ELAPOR1: variants seen among roughly 807,000 people sequenced by gnomAD.
The protein encoded by ELAPOR1 is endosome-lysosome associated apoptosis and autophagy regulator 1.
In ELAPOR1, 77 loss-of-function variants were observed where a neutral mutation model predicts 119.7. The ratio of observed to expected loss-of-function variants is 0.64; its 90% confidence interval spans 0.54 to 0.78. The LOEUF is 0.78. Ranked by LOEUF, ELAPOR1 falls within the 30% of genes least tolerant of loss-of-function variation. ELAPOR1 has a pLI of 0.00. For synonymous variants in ELAPOR1, 481 were observed against 487.2 expected (o/e 0.99, Z 0.17); for missense variants, 1,115 against 1,270.4 (o/e 0.88, Z 1.86).
intron 1 of ELAPOR1, among the ~76,000 whole-genome samples, chr1:109,129,940 G>GC (rs1435295963): frequency 6.6e-6 from 1 of 152,110 alleles, no homozygotes; most frequent in African/African-American, 2.4e-5. Flanking sequence ...AAACCAAAGT[G>GC]CCAGCAGGGC....
intron 7 of ELAPOR1, among the ~76,000 whole-genome samples, chr1:109,176,429 A>G (rs1037732240): frequency 2.0e-5 from 3 of 152,200 alleles, no homozygotes; most frequent in Admixed American, 2.0e-4. Context: ...TCTCTCAAAC[A>G]GACCTACATA....
chr1:109,155,332 C>T (rs1249209954), intron 1 of ELAPOR1, among the ~76,000 whole-genome samples: 6 of 152,106 alleles, frequency 3.9e-5, no homozygotes, highest in Admixed American at 6.6e-5. Context: ...CCCACCATCA[C>T]GCCCGGCTAA....
At chr1:109,140,944 C>T (rs961861202) in intron 1 of ELAPOR1, among the ~76,000 whole-genome samples, 6 of 152,132 alleles carry the variant, frequency 3.9e-5, no homozygotes, top group African/African-American at 1.4e-4. Context: ...CTCCCCCTCC[C>T]GGGTTCAAGT....
intron 1 of ELAPOR1, among the ~76,000 whole-genome samples, chr1:109,147,070 T>C (rs950982689): frequency 1.1e-5 from 1 of 90,550 alleles, no homozygotes; most frequent in African/African-American, 3.1e-5. Context: ...TACGCCTGGC[T>C]AATTTTTTTT....
intron 1 of ELAPOR1, among the ~76,000 whole-genome samples, chr1:109,131,173 C>G (rs951852245): frequency 6.6e-6 from 1 of 152,176 alleles, no homozygotes; most frequent in Middle Eastern, 3.2e-3. Context: ...TGGCAGGGGC[C>G]TTGGTTCCTC....
At chr1:109,137,506 A>AATTT (rs1209702925) in intron 1 of ELAPOR1, among the ~76,000 whole-genome samples, 16 of 148,404 alleles carry the variant, frequency 1.1e-4, no homozygotes, top group East Asian at 3.9e-4. Flanking sequence ...ACCCGACCTA[A>AATTT]ATTTATTTAT....
intron 1 of ELAPOR1, among the ~76,000 whole-genome samples, chr1:109,122,453 G>A (rs1259372139): frequency 6.6e-6 from 1 of 151,530 alleles, no homozygotes; most frequent in African/African-American, 2.4e-5. Flanking sequence ...GAGCCCAGGA[G>A]TTCAGGACCA....
chr1:109,184,570 T>C lies in ELAPOR1; in HGVS notation c.953-475T>C, dbSNP rs75023764. On this transcript the variant is annotated intron_variant, in intron 7 of 21. Coordinates refer to ENST00000369939, the MANE Select transcript of ELAPOR1 (RefSeq NM_020775.5). ...CATTCATAGAAAGGCTTGGAATGAGTATGAAAGCAAAATCATGTTTTACTT... is the reference window on the plus strand; with the variant it reads ...CATTCATAGAAAGGCTTGGAATGAGCATGAAAGCAAAATCATGTTTTACTT... 7.6e-3 allele frequency among the ~76,000 whole-genome samples: 1,156 copies of C among 152,274 alleles called. 16 individuals carry two copies. Among genetic ancestry groups the C allele is most frequent in the African/African-American group, 0.026 (1,099 of 41,544 alleles).
chr1:109,116,680 C>CTTTTTTTTTTTTTTT (rs71069649), intron 1 of ELAPOR1, among the ~76,000 whole-genome samples: 2 of 96,868 alleles, frequency 2.1e-5, no homozygotes, highest in Non-Finnish European at 2.2e-5. Flanking sequence ...CTTCTCTGTT[C>CTTTTTTTTTTTTTTT]TTTTTTTTTT....
intron 4 of ELAPOR1, 55 bp from the exon 5 acceptor site, chr1:109,172,433 G>A (rs987754130): frequency 4.8e-5 from 63 of 1,303,626 alleles, no homozygotes; most frequent in Non-Finnish European, 6.7e-5. Context: ...TGTGGGGAAA[G>A]GTATCCATTT....
chr1:109,141,095 G>GC (rs1388376216), intron 1 of ELAPOR1, among the ~76,000 whole-genome samples: 1 of 152,018 alleles, frequency 6.6e-6, no homozygotes, highest in African/African-American at 2.4e-5. Context: ...CAGGCAATCC[G>GC]CCTACCTTGG....
At chr1:109,148,070 C>G (rs1188456122) in intron 1 of ELAPOR1, among the ~76,000 whole-genome samples, 1 of 151,710 alleles carries the variant, frequency 6.6e-6, no homozygotes, top group Non-Finnish European at 1.5e-5. Flanking sequence ...ATCTCCTGAC[C>G]TCGTGATCCA....
intron 11 of ELAPOR1, among the ~76,000 whole-genome samples, chr1:109,190,356 T>G (rs1025000151): frequency 6.6e-6 from 1 of 152,240 alleles, no homozygotes; most frequent in African/African-American, 2.4e-5. Context: ...TTAACACAGC[T>G]GCATAGAGAT....
intron 1 of ELAPOR1, among the ~76,000 whole-genome samples, chr1:109,147,378 A>G (rs991522687): frequency 6.6e-6 from 1 of 152,208 alleles, no homozygotes; most frequent in Non-Finnish European, 1.5e-5. Context: ...CAACTATATG[A>G]CATTCTAGAA....
At chr1:109,158,041 C>T (rs186015352) in intron 1 of ELAPOR1, among the ~76,000 whole-genome samples, 1,749 of 152,248 alleles carry the variant, frequency 0.011, 19 homozygotes, top group South Asian at 0.023. Flanking sequence ...GCACATGCCA[C>T]CACGACCGAT....
intron 1 of ELAPOR1, among the ~76,000 whole-genome samples, chr1:109,133,583 G>A (rs139039849): frequency 2.6e-5 from 4 of 152,260 alleles, no homozygotes; most frequent in African/African-American, 7.2e-5. Context: ...AGTATCTACC[G>A]AGATTATTAT....
chr1:109,178,011 C>CTTTTT (rs61317397), intron 7 of ELAPOR1, among the ~76,000 whole-genome samples: 1 of 135,740 alleles, frequency 7.4e-6, no homozygotes, highest in African/African-American at 2.8e-5. Flanking sequence ...TTTTTTCTTT[C>CTTTTT]TTTTTTTTTT....
chr1:109,197,322 C>A, intron 15 of ELAPOR1, 152 bp from the exon 16 acceptor site: 1 of 689,872 alleles, frequency 1.4e-6, no homozygotes, highest in Non-Finnish European at 2.5e-6. Context: ...TCAAATCTGT[C>A]TCGTCATTAG....
At chr1:109,188,917 C>A in intron 9 of ELAPOR1, 149 bp from the exon 10 acceptor site, 1 of 807,118 alleles carries the variant, frequency 1.2e-6, no homozygotes, top group Non-Finnish European at 2.0e-6. Context: ...GTTTTTGAGT[C>A]AACTTGATAC....
Sources: allele counts gnomAD v4.1 joint callset (sites outside exome capture counted in the v4.1 genomes callset), GRCh38; gene constraint gnomAD v4.1.1; transcripts MANE v1.5; gene names NCBI Gene and HGNC (gene_info 2026-07-23, HGNC 2026-07-21).